SUGCT: variants seen among roughly 807,000 people sequenced by gnomAD.
SUGCT encodes succinyl-CoA:glutarate CoA-transferase.
In SUGCT, 41 loss-of-function variants were observed where a neutral mutation model predicts 55.0. The observed-to-expected ratio is 0.74, with a 90% confidence interval of 0.58 to 0.97. The LOEUF (loss-of-function observed/expected upper bound fraction) is 0.97, where lower values mean the gene tolerates loss of function less well. SUGCT is among the 50% of genes least tolerant of loss of function. The pLI is 0.00. For missense variants in SUGCT, 568 were observed against 547.8 expected, an observed-to-expected ratio of 1.04 and a Z score of -0.37; for synonymous variants, 187 against 200.4, an observed-to-expected ratio of 0.93 and a Z score of 0.56.
At chr7:40,784,383 C>T (rs925318252) in intron 13 of SUGCT, among the ~76,000 whole-genome samples, 14 of 152,126 alleles carry the variant, frequency 9.2e-5, no homozygotes, top group African/African-American at 3.1e-4. Flanking sequence ...TTCAAGTGGG[C>T]CACTCAGAAC....
chr7:40,716,202 T>C, intron 12 of SUGCT, among the ~76,000 whole-genome samples: 1 of 152,222 alleles, frequency 6.6e-6, no homozygotes, highest in East Asian at 1.9e-4. Context: ...TGTTGAATAC[T>C]GAAGCAGGGA....
At chr7:40,599,027 T>C (rs936538314) in intron 12 of SUGCT, among the ~76,000 whole-genome samples, 6 of 152,202 alleles carry the variant, frequency 3.9e-5, no homozygotes, top group African/African-American at 1.4e-4. Context: ...GGAACCTAAA[T>C]GGGGCCTACC....
intron 13 of SUGCT, among the ~76,000 whole-genome samples, chr7:40,772,759 T>C (rs1471067354): frequency 6.6e-6 from 1 of 152,146 alleles, no homozygotes; most frequent in Admixed American, 6.5e-5. Flanking sequence ...GCCCCCTTAG[T>C]ATCTGGGACT....
intron 12 of SUGCT, among the ~76,000 whole-genome samples, chr7:40,678,649 GA>G (rs1784110388): frequency 6.6e-6 from 1 of 152,180 alleles, no homozygotes; most frequent in Admixed American, 6.5e-5. Flanking sequence ...AACATAGAAT[GA>G]ATGGTATGAA....
intron 12 of SUGCT, among the ~76,000 whole-genome samples, chr7:40,525,955 G>C (rs1793771837): frequency 6.6e-6 from 1 of 152,144 alleles, no homozygotes; most frequent in South Asian, 2.1e-4. Context: ...TTGTCTCCAA[G>C]GCTATTAAGT....
chr7:40,517,241 G>C lies in SUGCT; in HGVS notation c.1089+20855G>C, dbSNP rs549962384. On this transcript the variant is annotated intron_variant, in intron 12 of 13. Coordinates refer to ENST00000335693, the MANE Select transcript of SUGCT (RefSeq NM_001193313.2). ...TTCCAGTAGCATTTTTTTTTTTTTC[G>C]ATGTGAATTCCTTAGGATTTTTTAA... Among the ~76,000 whole-genome samples, 4 of 141,738 alleles carry C rather than the reference G, an allele frequency of 2.8e-5. No homozygotes were observed. The South Asian group carries it at 8.9e-4, about 32-fold the overall frequency. The allele number at this position is 141,738 out of a possible 152,430, so 93.0% of individuals were successfully genotyped here.
At chr7:40,465,132 A>G (rs1223000486) in intron 11 of SUGCT, among the ~76,000 whole-genome samples, 2 of 152,236 alleles carry the variant, frequency 1.3e-5, no homozygotes, top group East Asian at 1.9e-4. Context: ...CAATTCCTTT[A>G]GTAAAATAAA....
Position 40,655,798 on chromosome 7 carries a change from CT to C in SUGCT, c.1090-93628del, listed in dbSNP as rs772267593. 3.9e-5 allele frequency among the ~76,000 whole-genome samples: 6 copies of C among 151,936 alleles called. No homozygotes were observed. The East Asian group carries it at 9.6e-4, about 24-fold the overall frequency. ...AACTGTATTAAACCACAACAATAAACTTTTTTTTGGCCATATCCAATGGAGA... is the reference window on the plus strand; with the variant it reads ...AACTGTATTAAACCACAACAATAAACTTTTTTTGGCCATATCCAATGGAGA... On this transcript the variant is annotated intron_variant, in intron 12 of 13. Transcript: ENST00000335693.
intron 12 of SUGCT, among the ~76,000 whole-genome samples, chr7:40,702,492 T>C (rs1173922163): frequency 6.6e-6 from 1 of 152,244 alleles, no homozygotes; most frequent in Non-Finnish European, 1.5e-5. Context: ...CTCTGCTTCT[T>C]GGACTATGGG....
intron 9 of SUGCT, among the ~76,000 whole-genome samples, chr7:40,368,684 A>G (rs1784135074): frequency 6.6e-6 from 1 of 152,208 alleles, no homozygotes; most frequent in South Asian, 2.1e-4. Context: ...TGAACTAGGC[A>G]TGAAACCTCA....
At chr7:40,421,266 T>C (rs921719074) in intron 9 of SUGCT, among the ~76,000 whole-genome samples, 1 of 152,146 alleles carries the variant, frequency 6.6e-6, no homozygotes, top group African/African-American at 2.4e-5. Flanking sequence ...TACTTTCCAC[T>C]TTTACTCATC....
At chr7:40,941,885 C>T in the SUGCT span, among the ~76,000 whole-genome samples, 5 of 152,014 alleles carry the variant, frequency 3.3e-5, no homozygotes, top group African/African-American at 1.2e-4. Flanking sequence ...ATAATAGCTA[C>T]TACTGTTCAT....
At chr7:40,657,573 C>T (rs954249652) in intron 12 of SUGCT, among the ~76,000 whole-genome samples, 5 of 151,624 alleles carry the variant, frequency 3.3e-5, no homozygotes, top group Non-Finnish European at 5.9e-5. Context: ...CAATCTCTGT[C>T]GCCCGGGCTG....
At chr7:40,878,265 T>A in the SUGCT span, among the ~76,000 whole-genome samples, 1 of 152,238 alleles carries the variant, frequency 6.6e-6, no homozygotes, top group Non-Finnish European at 1.5e-5. Flanking sequence ...TTTTAAAAAA[T>A]ATTATCTTCT....
At chr7:41,012,661 C>G in the SUGCT span, among the ~76,000 whole-genome samples, 1 of 152,078 alleles carries the variant, frequency 6.6e-6, no homozygotes, top group Non-Finnish European at 1.5e-5. Flanking sequence ...ATTGTGATTA[C>G]TTCAATTCTC....
At chr7:40,741,081 C>A (rs1253507559) in intron 12 of SUGCT, among the ~76,000 whole-genome samples, 1 of 151,908 alleles carries the variant, frequency 6.6e-6, no homozygotes, top group Non-Finnish European at 1.5e-5. Flanking sequence ...GAGTTCAAGA[C>A]TGTCAGATAA....
the SUGCT span, among the ~76,000 whole-genome samples, chr7:40,901,128 G>A: frequency 9.2e-5 from 14 of 152,292 alleles, no homozygotes; most frequent in South Asian, 2.9e-3. Flanking sequence ...GTCCATTGTA[G>A]AGAAGATATT....
At chr7:40,844,052 C>T (rs1793426047) in intron 13 of SUGCT, among the ~76,000 whole-genome samples, 1 of 152,094 alleles carries the variant, frequency 6.6e-6, no homozygotes, top group Non-Finnish European at 1.5e-5. Context: ...ACACTGGAAC[C>T]AGCCAGTTGC....
At chr7:40,250,999 ATTTT>A (rs869065267) in intron 7 of SUGCT, among the ~76,000 whole-genome samples, 1 of 145,080 alleles carries the variant, frequency 6.9e-6, no homozygotes, top group African/African-American at 2.4e-5. Flanking sequence ...ACTGCGCCTA[ATTTT>A]TGTTTTAGTG....
Sources: allele counts gnomAD v4.1 joint callset (sites outside exome capture counted in the v4.1 genomes callset), GRCh38; gene constraint gnomAD v4.1.1; transcripts MANE v1.5; gene names NCBI Gene and HGNC (gene_info 2026-07-23, HGNC 2026-07-21).